DDX10: variants seen among roughly 807,000 people sequenced by gnomAD.
DDX10 encodes probable ATP-dependent RNA helicase DDX10.
DDX10 carries 74 observed loss-of-function variants against 104.3 expected under a neutral mutation model. That is an observed-to-expected ratio of 0.71 (90% confidence interval 0.59 to 0.86). The LOEUF (loss-of-function observed/expected upper bound fraction) is 0.86, where lower values mean the gene tolerates loss of function less well. Among genes scored for constraint, DDX10 ranks in the 40% least tolerant of loss-of-function variants. DDX10 has a pLI of 0.00. For synonymous variants in DDX10, 351 were observed against 353.4 expected (o/e 0.99, Z 0.08); for missense variants, 952 against 1,040.0 (o/e 0.92, Z 1.16).
At chr11:108,745,101 TC>T (rs1565265503) in intron 13 of DDX10, among the ~76,000 whole-genome samples, 1 of 78,366 alleles carries the variant, frequency 1.3e-5, no homozygotes, top group Non-Finnish European at 2.3e-5. Context: ...CTTCCTCCCC[TC>T]CCCCTCCCCT....
At chr11:108,916,024 T>C (rs953971217) in intron 16 of DDX10, among the ~76,000 whole-genome samples, 1 of 151,398 alleles carries the variant, frequency 6.6e-6, no homozygotes, top group Non-Finnish European at 1.5e-5. Flanking sequence ...TTTAATACAG[T>C]ATATTAAATG....
At position 108,684,141 on chromosome 11, in the gene DDX10, C is replaced by CTT. The variant is rs56168476; in HGVS notation, c.848+4599_848+4600dup. On this transcript the variant is annotated intron_variant, in intron 6 of 17. Transcript: ENST00000322536. ...AAGTTTATCTTATCTATTTCCAGTT[C>CTT]TTTTTTTTTTTTTTTTTTTAAGGTT... Among the ~76,000 whole-genome samples the CTT allele has an allele frequency of 1.2e-3, 37 of 31,302 alleles. 1 individual carries two copies. Among genetic ancestry groups the CTT allele is most frequent in the South Asian group, 0.011 (8 of 758 alleles). 20.5% of individuals were successfully genotyped at this position (31,302 alleles called of 152,430 possible).
intron 17 of DDX10, among the ~76,000 whole-genome samples, chr11:108,930,048 C>G (rs181274421): frequency 1.3e-5 from 2 of 152,126 alleles, no homozygotes; most frequent in Admixed American, 6.5e-5. Flanking sequence ...AGTTCACTTT[C>G]GGCATTGTAT....
At chr11:108,670,265 C>T (rs1018150701) in intron 1 of DDX10, among the ~76,000 whole-genome samples, 4 of 151,896 alleles carry the variant, frequency 2.6e-5, no homozygotes, top group African/African-American at 9.7e-5. Context: ...ATTGGGTGAA[C>T]TGGAGCTTTA....
intron 9 of DDX10, among the ~76,000 whole-genome samples, chr11:108,695,391 A>G (rs2094258323): frequency 6.6e-6 from 1 of 152,200 alleles, no homozygotes. Flanking sequence ...ATTTCATGCC[A>G]CAAACTCTTC....
chr11:108,910,728 C>CGTGTGTGTGTGTGTGTGTGT (rs56191738), intron 16 of DDX10, among the ~76,000 whole-genome samples: 1 of 127,666 alleles, frequency 7.8e-6, no homozygotes, highest in Non-Finnish European at 1.7e-5. Flanking sequence ...AGCGTGCATG[C>CGTGTGTGTGTGTGTGTGTGT]GTGTGTGTGT....
At chr11:108,893,356 T>C (rs752084417) in intron 16 of DDX10, among the ~76,000 whole-genome samples, 10 of 152,086 alleles carry the variant, frequency 6.6e-5, no homozygotes, top group Non-Finnish European at 1.3e-4. Flanking sequence ...CCCAAAGATT[T>C]GGGTTCTAGC....
intron 8 of DDX10, among the ~76,000 whole-genome samples, chr11:108,692,622 C>T (rs10749925): frequency 0.66 from 101,138 of 152,102 alleles, 35,441 homozygotes; most frequent in South Asian, 0.78. Context: ...TTGTTAATTA[C>T]AGCAAATTTG....
intron 15 of DDX10, among the ~76,000 whole-genome samples, chr11:108,851,810 T>C (rs963221856): frequency 6.6e-6 from 1 of 152,166 alleles, no homozygotes; most frequent in African/African-American, 2.4e-5. Flanking sequence ...TCCATTGAAC[T>C]TGTTTCTAGA....
intron 13 of DDX10, among the ~76,000 whole-genome samples, chr11:108,783,817 C>T (rs930681446): frequency 4.6e-5 from 7 of 152,192 alleles, no homozygotes; most frequent in Non-Finnish European, 1.0e-4. Context: ...CCCTTTTCCT[C>T]TCTCCCGCAT....
At chr11:108,668,819 TA>T (rs1460159426) in intron 1 of DDX10, among the ~76,000 whole-genome samples, 4 of 152,208 alleles carry the variant, frequency 2.6e-5, no homozygotes, top group African/African-American at 7.2e-5. Context: ...GTTATAATAG[TA>T]AGTTTGTAAC....
At chr11:108,831,302 G>T (rs1029855132) in intron 13 of DDX10, among the ~76,000 whole-genome samples, 3 of 151,736 alleles carry the variant, frequency 2.0e-5, no homozygotes, top group African/African-American at 7.3e-5. Context: ...TATTCGTGAG[G>T]CTGAGGCAGG....
intron 6 of DDX10, among the ~76,000 whole-genome samples, chr11:108,687,843 G>A (rs758001575): frequency 4.6e-5 from 7 of 152,098 alleles, no homozygotes; most frequent in Non-Finnish European, 8.8e-5. Flanking sequence ...TCTAAAACCA[G>A]TTGACTTGTA....
At chr11:108,903,352 G>T (rs1863543621) in intron 16 of DDX10, among the ~76,000 whole-genome samples, 1 of 151,992 alleles carries the variant, frequency 6.6e-6, no homozygotes, top group South Asian at 2.1e-4. Context: ...CTAACATAAT[G>T]ATTTCAAGGC....
At chr11:108,779,794 G>A (rs1162862532) in intron 13 of DDX10, among the ~76,000 whole-genome samples, 5 of 152,030 alleles carry the variant, frequency 3.3e-5, no homozygotes, top group Non-Finnish European at 5.9e-5. Flanking sequence ...TCTGAATTTC[G>A]CTGCAAAAAA....
rs35955855 is a variant in DDX10 at position 108,856,447 on chromosome 11, C to CA, written c.2304+4246dup. Reference sequence around the variant, plus strand: ...CTCTGTCTCAAACAAAACAAACAAACAAAAAAAACCACCAAAAAAAACAAA... The same window carrying CA: ...CTCTGTCTCAAACAAAACAAACAAACAAAAAAAAACCACCAAAAAAAACAAA... On this transcript the variant is annotated intron_variant, in intron 16 of 17. Transcript: ENST00000322536. Among the ~76,000 whole-genome samples, 556 of 148,758 alleles carry CA rather than the reference C, an allele frequency of 3.7e-3. 1 individual carries two copies. The highest frequency in any genetic ancestry group is 0.034 in the Middle Eastern group (10 of 294).
Position 108,901,616 on chromosome 11 carries a change from A to G in DDX10, c.2305-16257A>G, listed in dbSNP as rs1863517714. ...TTCAGAAAGCATCCCTTTGCTCCAA[A>G]TAAACTGCAAGCTCATAAACATGCT... On this transcript the variant is annotated intron_variant, in intron 16 of 17. Transcript: ENST00000322536. 2.6e-5 allele frequency among the ~76,000 whole-genome samples: 4 copies of G among 152,184 alleles called. No individual in the cohort carries two copies. The South Asian group carries it at 8.3e-4, about 32-fold the overall frequency.
chr11:108,689,298 T>A (rs1280771206), intron 7 of DDX10, among the ~76,000 whole-genome samples: 1 of 152,220 alleles, frequency 6.6e-6, no homozygotes, highest in African/African-American at 2.4e-5. Context: ...AATGTAGTCC[T>A]CAATAAATAT....
At chr11:108,915,712 A>T (rs955829179) in intron 16 of DDX10, among the ~76,000 whole-genome samples, 3 of 152,144 alleles carry the variant, frequency 2.0e-5, no homozygotes, top group African/African-American at 7.2e-5. Flanking sequence ...TTCATATGAC[A>T]ACTAGTTTTT....
Sources: allele counts gnomAD v4.1 joint callset (sites outside exome capture counted in the v4.1 genomes callset), GRCh38; gene constraint gnomAD v4.1.1; transcripts MANE v1.5; gene names NCBI Gene and HGNC (gene_info 2026-07-23, HGNC 2026-07-21).